Variants in SLC10A2 observed in about 807,000 individuals in gnomAD.
SLC10A2 encodes ileal sodium/bile acid cotransporter.
A neutral mutation model predicts 27.1 loss-of-function variants in SLC10A2; 34 were observed. The ratio of observed to expected loss-of-function variants is 1.26; its 90% CI spans 0.96 to 1.67. SLC10A2 has a LOEUF of 1.67. Among genes scored for constraint, SLC10A2 ranks in the 40% most tolerant of loss-of-function variants. The pLI is 0.00. For synonymous variants in SLC10A2, 205 were observed against 174.0 expected, an observed-to-expected ratio of 1.18 and a Z score of -1.40; for missense variants, 530 against 444.4, an observed-to-expected ratio of 1.19 and a Z score of -1.73.
chr13:103,054,809 T>C (rs1186594674), intron 2 of SLC10A2, among the ~76,000 whole-genome samples: 1 of 152,120 alleles, frequency 6.6e-6, no homozygotes, highest in East Asian at 1.9e-4. Flanking sequence ...GTGGATGTTG[T>C]AACTTTGGTC....
intron 3 of SLC10A2, 63 bp downstream of exon 3, chr13:103,052,557 G>A (rs887971803): frequency 4.4e-5 from 51 of 1,165,838 alleles, no homozygotes; most frequent in Non-Finnish European, 6.6e-5. Context: ...TTTCATGGAT[G>A]GAAAACCCTA....
Position 103,046,064 on chromosome 13 carries a change from A to G in SLC10A2, c.*69T>C. The G allele has an allele frequency of 6.3e-7, 1 of 1,579,744 alleles. No homozygotes were observed. Among genetic ancestry groups the G allele is most frequent in the Non-Finnish European group, 8.7e-7 (1 of 1,150,800 alleles). On this transcript the variant is annotated 3_prime_UTR_variant, in exon 6 of 6. Transcript: ENST00000245312. ...CTTTTCTGCCAACTGTCCTACCAAA[A>G]CAAATAATTAAATATAGTTACGGTT...
intron 5 of SLC10A2, among the ~76,000 whole-genome samples, chr13:103,046,483 G>A (rs1204931493): frequency 6.6e-6 from 1 of 152,136 alleles, no homozygotes; most frequent in Non-Finnish European, 1.5e-5. Context: ...GGAGACATTT[G>A]CTCAGGGCAG....
intron 1 of SLC10A2, 126 bp from the exon 2 acceptor site, chr13:103,058,508 G>C (rs947996080): frequency 4.3e-6 from 3 of 692,712 alleles, no homozygotes; most frequent in Non-Finnish European, 7.9e-6. Flanking sequence ...TTGTTATATA[G>C]GTCAACTTGT....
intron 2 of SLC10A2, among the ~76,000 whole-genome samples, chr13:103,054,578 G>C (rs752377497): frequency 5.6e-5 from 8 of 142,670 alleles, no homozygotes; most frequent in Non-Finnish European, 1.1e-4. Context: ...TTAATGTGCT[G>C]AATCTGTTTG....
intron 2 of SLC10A2, among the ~76,000 whole-genome samples, chr13:103,053,101 TGTGTGTG>T (rs1875837028): frequency 7.1e-6 from 1 of 140,788 alleles, no homozygotes; most frequent in Non-Finnish European, 1.5e-5. Flanking sequence ...TGTGTGTGTG[TGTGTGTG>T]TGTGTGTGTG....
At chr13:103,050,335 T>C (rs1187165276) in intron 4 of SLC10A2, among the ~76,000 whole-genome samples, 1 of 152,206 alleles carries the variant, frequency 6.6e-6, no homozygotes, top group East Asian at 1.9e-4. Context: ...TGCGCTCTTC[T>C]TGCTGCCCAT....
At chr13:103,058,476 G>A in intron 1 of SLC10A2, 94 bp from the exon 2 acceptor site, 1 of 794,334 alleles carries the variant, frequency 1.3e-6, no homozygotes, top group South Asian at 1.5e-5. Flanking sequence ...TTTATTTTAA[G>A]TTTAGGGGTA....
At position 103,045,975 on chromosome 13, in the gene SLC10A2, A is replaced by G. The variant is rs201277975; in HGVS notation, c.*158T>C. On this transcript the variant is annotated 3_prime_UTR_variant, in exon 6 of 6. Transcript: ENST00000245312. ...ATTTGTCCCATTAAAGAATTGGGCC[A>G]CCAGTCACTTGGTACTGAAACCAAT... is the stretch of plus-strand genomic sequence containing the variant. 1.6e-5 allele frequency: 12 copies of G among 745,750 alleles called. No individual in the cohort carries two copies. Among genetic ancestry groups the G allele is most frequent in the Middle Eastern group, 2.8e-4 (1 of 3,518 alleles). 46.2% of individuals were successfully genotyped at this position (745,750 alleles called of 1,614,324 possible). A position where few individuals can be genotyped will look rare whatever the true frequency, so the allele number is the denominator to read the frequency against.
chr13:103,049,429 A>G lies in SLC10A2; in HGVS notation c.779T>C (p.Phe260Ser). 6.2e-7 allele frequency: 1 copy of G among 1,614,014 alleles called. No homozygotes were observed. The highest frequency in any genetic ancestry group is 1.1e-5 in the South Asian group (1 of 91,080). The change falls in exon 5 of 6, where the codon TTT (phenylalanine) becomes TCT (serine). Residue 260 changes from phenylalanine to serine, a missense_variant. By Grantham distance (155) the Phe-to-Ser change is radical. Coordinates refer to ENST00000245312, the MANE Select transcript of SLC10A2 (RefSeq NM_000452.3). ...LPWYRCRTVA[F>S]ETGMQNTQLC... ...CTGCGTGTTCTGCATCCCCGTTTCAAAAGCAACCGTTCGGCACCTAAAGAA... is the reference window on the plus strand; with the variant it reads ...CTGCGTGTTCTGCATCCCCGTTTCAGAAGCAACCGTTCGGCACCTAAAGAA...
intron 3 of SLC10A2, among the ~76,000 whole-genome samples, chr13:103,052,103 G>T (rs1287178920): frequency 6.6e-6 from 1 of 152,188 alleles, no homozygotes; most frequent in African/African-American, 2.4e-5. Flanking sequence ...AATATAGTTA[G>T]TGAATGGGAT....
At chr13:103,046,368 G>A (rs975461933) in intron 5 of SLC10A2, 108 bp from the exon 6 acceptor site, 2 of 913,882 alleles carry the variant, frequency 2.2e-6, no homozygotes, top group Non-Finnish European at 3.4e-6. Context: ...CACATTTTCT[G>A]TAGACTGGAG....
At chr13:103,053,090 GT>G (rs1227161966) in intron 2 of SLC10A2, among the ~76,000 whole-genome samples, 1 of 39,230 alleles carries the variant, frequency 2.5e-5, no homozygotes, top group Non-Finnish European at 5.4e-5. Flanking sequence ...AGGTGTGTGT[GT>G]GTGTGTGTGT....
At chr13:103,055,318 A>T (rs1041163500) in intron 2 of SLC10A2, among the ~76,000 whole-genome samples, 5 of 152,190 alleles carry the variant, frequency 3.3e-5, no homozygotes, top group Non-Finnish European at 5.9e-5. Context: ...TTTTAGTGGT[A>T]CCAGCTGCAT....
intron 1 of SLC10A2, 61 bp downstream of exon 1, chr13:103,065,812 T>C: frequency 1.3e-6 from 2 of 1,593,754 alleles, no homozygotes; most frequent in East Asian, 2.2e-5. Context: ...CAGAATGCCA[T>C]AGGCTTCTGG....
intron 1 of SLC10A2, among the ~76,000 whole-genome samples, chr13:103,058,794 A>G (rs908368700): frequency 1.3e-5 from 2 of 152,164 alleles, no homozygotes; most frequent in African/African-American, 4.8e-5. Context: ...GATCTAGTCC[A>G]TTTTTATGGC....
intron 5 of SLC10A2, among the ~76,000 whole-genome samples, chr13:103,048,639 A>T (rs947553958): frequency 6.6e-6 from 1 of 152,158 alleles, no homozygotes; most frequent in Non-Finnish European, 1.5e-5. Context: ...GGAAAGGAAA[A>T]TGTAGAAAGA....
intron 2 of SLC10A2, among the ~76,000 whole-genome samples, chr13:103,056,712 A>G (rs745954998): frequency 2.0e-5 from 3 of 152,056 alleles, no homozygotes; most frequent in Non-Finnish European, 4.4e-5. Flanking sequence ...AGGCAAAAGC[A>G]GGTGGTAGTG....
At chr13:103,061,401 C>CT (rs3837572) in intron 1 of SLC10A2, among the ~76,000 whole-genome samples, 120,249 of 151,522 alleles carry the variant, frequency 0.79, 48,222 homozygotes, top group Non-Finnish European at 0.86. Context: ...AATAAAATCA[C>CT]TTTTTTTTCT....
Sources: gnomAD v4.1 joint callset for allele counts (sites outside exome capture counted in the v4.1 genomes callset) on GRCh38, gnomAD v4.1.1 for gene constraint, MANE v1.5 for transcripts, NCBI Gene and HGNC (gene_info 2026-07-23, HGNC 2026-07-21) for gene names.